The following PTPRT variants were observed in gnomAD, a reference collection of about 807,000 sequenced individuals.
The protein encoded by PTPRT is receptor-type tyrosine-protein phosphatase T.
In PTPRT, 56 loss-of-function variants were observed where a neutral mutation model predicts 176.8. The ratio of observed to expected loss-of-function variants is 0.32; its 90% CI spans 0.26 to 0.40. The LOEUF is 0.40. Ranked by LOEUF, PTPRT falls within the 10% of genes least tolerant of loss-of-function variation. PTPRT has a pLI of 1.00. For synonymous variants in PTPRT, 783 were observed against 739.0 expected, an observed-to-expected ratio of 1.06 and a Z score of -0.96; for missense variants, 1,540 against 1,908.2, an observed-to-expected ratio of 0.81 and a Z score of 3.60.
intron 20 of PTPRT, 62 bp downstream of exon 20, chr20:42,119,873 A>G: frequency 1.4e-6 from 2 of 1,443,398 alleles, no homozygotes; most frequent in Non-Finnish European, 1.9e-6. Flanking sequence ...CAGTTAAGAG[A>G]GCCCTTTCCC....
intron 2 of PTPRT, among the ~76,000 whole-genome samples, chr20:42,826,755 G>A (rs186851625): frequency 4.6e-4 from 70 of 152,270 alleles, no homozygotes; most frequent in Admixed American, 1.3e-3. Context: ...AAAAGGCACA[G>A]GGTAGCAAGC....
the PTPRT span, among the ~76,000 whole-genome samples, chr20:42,057,029 G>C: frequency 6.6e-6 from 1 of 152,190 alleles, no homozygotes; most frequent in Non-Finnish European, 1.5e-5. Flanking sequence ...TAGCTCTGTA[G>C]CTCTCACCTT....
At chr20:42,259,412 C>T (rs1376971914) in intron 13 of PTPRT, among the ~76,000 whole-genome samples, 1 of 152,186 alleles carries the variant, frequency 6.6e-6, no homozygotes. Context: ...TTGACACACC[C>T]CTTCTATGGC....
intron 1 of PTPRT, among the ~76,000 whole-genome samples, chr20:42,937,539 T>C (rs922320194): frequency 2.6e-5 from 4 of 152,216 alleles, no homozygotes; most frequent in Admixed American, 6.5e-5. Context: ...TTCCCTTTTA[T>C]TATCAGCCAA....
At chr20:42,878,329 C>A (rs2078967080) in intron 2 of PTPRT, among the ~76,000 whole-genome samples, 1 of 152,154 alleles carries the variant, frequency 6.6e-6, no homozygotes. Flanking sequence ...TATTAAATAG[C>A]AAAATACATA....
rs115594135 is a variant in PTPRT at position 42,555,616 on chromosome 20, G to A, written c.1154-83054C>T. On this transcript the variant is annotated intron_variant, in intron 7 of 30. Transcript: ENST00000373187. Reference sequence around the variant, plus strand: ...ATCCCGGCATCCCGGACACCGCCACGTAACTTATAGTCCTTCCCCGCTGGC... The same window carrying A: ...ATCCCGGCATCCCGGACACCGCCACATAACTTATAGTCCTTCCCCGCTGGC... 3.7e-3 allele frequency among the ~76,000 whole-genome samples: 561 copies of A among 152,262 alleles called. 3 individuals are homozygous for A. The highest frequency in any genetic ancestry group is 0.013 in the African/African-American group (536 of 41,566).
chr20:42,581,424 GT>G (rs1295283115), intron 7 of PTPRT, among the ~76,000 whole-genome samples: 2 of 151,690 alleles, frequency 1.3e-5, no homozygotes, highest in Non-Finnish European at 2.9e-5. Context: ...GAAACGATTT[GT>G]TTCTTTTGTT....
chr20:42,441,187 T>C (rs921523346), intron 9 of PTPRT, among the ~76,000 whole-genome samples: 3 of 151,908 alleles, frequency 2.0e-5, no homozygotes, highest in African/African-American at 7.3e-5. Flanking sequence ...ATGAAACAAG[T>C]GCAGATTGTG....
intron 12 of PTPRT, among the ~76,000 whole-genome samples, chr20:42,287,397 C>A (rs544224104): frequency 6.6e-6 from 1 of 151,926 alleles, no homozygotes; most frequent in Non-Finnish European, 1.5e-5. Flanking sequence ...ACTATTCAGC[C>A]ATAAAAAGAA....
chr20:42,176,297 AT>A (rs1568644319), intron 16 of PTPRT, among the ~76,000 whole-genome samples: 1 of 152,066 alleles, frequency 6.6e-6, no homozygotes, highest in Non-Finnish European at 1.5e-5. Flanking sequence ...CATGATCTCT[AT>A]TTCCTGCCTC....
intron 15 of PTPRT, among the ~76,000 whole-genome samples, chr20:42,219,578 C>A (rs1024505347): frequency 4.6e-5 from 7 of 152,186 alleles, no homozygotes; most frequent in Non-Finnish European, 4.4e-5. Flanking sequence ...AACTTAACAA[C>A]AACAAAGACA....
intron 1 of PTPRT, among the ~76,000 whole-genome samples, chr20:42,987,304 C>T (rs1460571538): frequency 3.3e-5 from 5 of 152,190 alleles, no homozygotes; most frequent in African/African-American, 1.2e-4. Context: ...AATTGACTGA[C>T]ATTAAATAAA....
At chr20:42,825,941 G>C (rs958563757) in intron 2 of PTPRT, among the ~76,000 whole-genome samples, 2 of 151,994 alleles carry the variant, frequency 1.3e-5, no homozygotes, top group Non-Finnish European at 2.9e-5. Context: ...GGAACACCTA[G>C]GGCTGAAAAC....
At chr20:42,497,907 G>C (rs769222715) in intron 7 of PTPRT, among the ~76,000 whole-genome samples, 32 of 152,206 alleles carry the variant, frequency 2.1e-4, no homozygotes, top group Non-Finnish European at 2.8e-4. Context: ...AATGGTCCTT[G>C]TGCTGGATTC....
chr20:42,071,428 A>T (rs1982329552), downstream of PTPRT, among the ~76,000 whole-genome samples: 1 of 152,112 alleles, frequency 6.6e-6, no homozygotes, highest in South Asian at 2.1e-4. Flanking sequence ...AGCATTAAAA[A>T]CAGTGCTTGC....
chr20:42,756,831 AT>A (rs2076840570), intron 5 of PTPRT, among the ~76,000 whole-genome samples, 195 bp from the exon 6 acceptor site: 1 of 152,130 alleles, frequency 6.6e-6, no homozygotes, highest in Non-Finnish European at 1.5e-5. Context: ...CAGGAGGATC[AT>A]TTGAGGCCAG....
chr20:43,073,638 T>G (rs552663035), intron 1 of PTPRT, among the ~76,000 whole-genome samples: 2 of 151,838 alleles, frequency 1.3e-5, no homozygotes, highest in South Asian at 2.1e-4. Context: ...CAATTACTTT[T>G]GCACCAACCT....
At chr20:42,529,563 G>A (rs529108883) in intron 7 of PTPRT, among the ~76,000 whole-genome samples, 35 of 152,072 alleles carry the variant, frequency 2.3e-4, no homozygotes, top group African/African-American at 7.7e-4. Context: ...CTCAGCTCAC[G>A]GCAACTTCCA....
rs373652556 is a variant in PTPRT at position 42,906,804 on chromosome 20, A to C, written c.89-20872T>G. Among the ~76,000 whole-genome samples the C allele has an allele frequency of 2.8e-4, 43 of 152,334 alleles. 2 individuals carry two copies. In the South Asian group the frequency reaches 8.9e-3, roughly 32 times the overall value. On this transcript the variant is annotated intron_variant, in intron 1 of 30. Transcript: ENST00000373187. The stretch of plus-strand genomic sequence containing the variant: ...AACTATTCACCTGCATCTGGAGGAA[A>C]CTAAAATGGATTTTAAAATGCAAAT...
Sources: allele counts gnomAD v4.1 joint callset (sites outside exome capture counted in the v4.1 genomes callset), GRCh38; gene constraint gnomAD v4.1.1; transcripts MANE v1.5; gene names NCBI Gene and HGNC (gene_info 2026-07-23, HGNC 2026-07-21).